Variants in C1QTNF3 observed in about 807,000 individuals in gnomAD.
The protein encoded by C1QTNF3 is C1q and TNF related 3, also known as complement C1q tumor necrosis factor-related protein 3.
Under a neutral mutation model 32.6 loss-of-function variants are expected in C1QTNF3, and 26 were observed. That is an observed-to-expected ratio of 0.80 (90% CI 0.58 to 1.11). C1QTNF3 has a LOEUF of 1.11. Ranked by LOEUF, C1QTNF3 falls within the 50% of genes least tolerant of loss-of-function variation. The pLI is 0.00. For synonymous variants in C1QTNF3, 155 were observed against 146.0 expected, an observed-to-expected ratio of 1.06 and a Z score of -0.44; for missense variants, 362 against 398.2, an observed-to-expected ratio of 0.91 and a Z score of 0.77.
At chr5:34,235,714 T>G in the C1QTNF3 span, among the ~76,000 whole-genome samples, 1 of 151,924 alleles carries the variant, frequency 6.6e-6, no homozygotes. Context: ...TTTTTTTCAC[T>G]GGGTATTACA....
the C1QTNF3 span, among the ~76,000 whole-genome samples, chr5:34,156,451 T>C: frequency 6.6e-6 from 1 of 152,190 alleles, no homozygotes; most frequent in Non-Finnish European, 1.5e-5. Context: ...TCTTTCTAAT[T>C]GCTCTGTAAT....
At chr5:34,218,659 G>C in the C1QTNF3 span, among the ~76,000 whole-genome samples, 10 of 152,008 alleles carry the variant, frequency 6.6e-5, no homozygotes, top group African/African-American at 2.2e-4. Flanking sequence ...AGAGTTTTGC[G>C]AACAGTTTTG....
At chr5:34,087,496 G>A in the C1QTNF3 span, among the ~76,000 whole-genome samples, 1 of 148,448 alleles carries the variant, frequency 6.7e-6, no homozygotes, top group African/African-American at 2.5e-5. Flanking sequence ...TAAGAGAAAT[G>A]TAATTTAATT....
intron 4 of C1QTNF3, 149 bp downstream of exon 4, chr5:34,028,605 C>A: frequency 1.5e-6 from 1 of 654,746 alleles, no homozygotes; most frequent in Non-Finnish European, 2.3e-6. Flanking sequence ...AAAATAACTA[C>A]CTTAATGTCA....
At chr5:34,075,518 T>C in the C1QTNF3 span, among the ~76,000 whole-genome samples, 8 of 151,500 alleles carry the variant, frequency 5.3e-5, no homozygotes, top group African/African-American at 1.2e-4. Context: ...GAATTATGAG[T>C]CTTCAATTTG....
chr5:34,141,993 T>A, the C1QTNF3 span, among the ~76,000 whole-genome samples: 16 of 152,040 alleles, frequency 1.1e-4, no homozygotes, highest in African/African-American at 3.1e-4. Flanking sequence ...GGGAGGAGCC[T>A]ACACTCAGAA....
chr5:34,102,072 A>G, the C1QTNF3 span, among the ~76,000 whole-genome samples: 1 of 148,472 alleles, frequency 6.7e-6, no homozygotes, highest in Non-Finnish European at 1.5e-5. Context: ...CTAGATGTGA[A>G]ATAAATAGAA....
the C1QTNF3 span, among the ~76,000 whole-genome samples, chr5:34,195,552 A>G: frequency 6.6e-6 from 1 of 152,114 alleles, no homozygotes; most frequent in East Asian, 1.9e-4. Context: ...CTCAAAATTC[A>G]TATGATAGGC....
chr5:34,063,948 T>A, the C1QTNF3 span, among the ~76,000 whole-genome samples: 3 of 152,146 alleles, frequency 2.0e-5, no homozygotes, highest in East Asian at 3.9e-4. Flanking sequence ...GACTGTTAAG[T>A]AGAGACTTCT....
the C1QTNF3 span, among the ~76,000 whole-genome samples, chr5:34,240,211 T>C: frequency 6.9e-6 from 1 of 145,250 alleles, no homozygotes. Context: ...ACACTACACC[T>C]AAAGGAACTA....
At chr5:34,116,451 C>T in the C1QTNF3 span, among the ~76,000 whole-genome samples, 4 of 151,230 alleles carry the variant, frequency 2.6e-5, no homozygotes, top group African/African-American at 9.7e-5. Context: ...GTTGAATTGT[C>T]TATTCTTTCC....
the C1QTNF3 span, among the ~76,000 whole-genome samples, chr5:34,121,245 CA>C: frequency 1.3e-5 from 2 of 152,156 alleles, no homozygotes; most frequent in Non-Finnish European, 2.9e-5. Flanking sequence ...AAAAGTTGGG[CA>C]ACTGTTATAA....
At chr5:34,165,237 G>C in the C1QTNF3 span, 2 of 152,042 alleles carry the variant, frequency 1.3e-5, no homozygotes, top group Non-Finnish European at 2.9e-5. Flanking sequence ...TGAAGCTTCA[G>C]GACTTGGAGA....
chr5:34,023,225 C>A (rs932309506), intron 5 of C1QTNF3, among the ~76,000 whole-genome samples: 1 of 152,116 alleles, frequency 6.6e-6, no homozygotes, highest in Non-Finnish European at 1.5e-5. Flanking sequence ...GAAGAATAAA[C>A]CCACTCCCAA....
chr5:34,194,727 C>A, the C1QTNF3 span, among the ~76,000 whole-genome samples: 1 of 152,414 alleles, frequency 6.6e-6, no homozygotes, highest in African/African-American at 2.4e-5. Context: ...TACAGTCAGC[C>A]CTCAGTATCC....
At chr5:34,093,813 T>C in the C1QTNF3 span, among the ~76,000 whole-genome samples, 2 of 152,306 alleles carry the variant, frequency 1.3e-5, no homozygotes, top group South Asian at 4.1e-4. Flanking sequence ...ACACTCTGTA[T>C]TCTGAGCCCA....
the C1QTNF3 span, among the ~76,000 whole-genome samples, chr5:34,195,839 C>CAAAAAA: frequency 2.2e-5 from 2 of 92,468 alleles, no homozygotes; most frequent in Admixed American, 1.2e-4. Flanking sequence ...GACTCTGTCT[C>CAAAAAA]AAAAAAAAAA....
At chr5:34,081,801 G>T in the C1QTNF3 span, among the ~76,000 whole-genome samples, 4 of 151,440 alleles carry the variant, frequency 2.6e-5, no homozygotes, top group South Asian at 2.1e-4. Context: ...CTTTAATGAA[G>T]CAATATAATA....
chr5:34,124,010 TATA>T, the C1QTNF3 span, among the ~76,000 whole-genome samples: 1 of 152,170 alleles, frequency 6.6e-6, no homozygotes, highest in African/African-American at 2.4e-5. Context: ...TAAATCAGCT[TATA>T]ATATCGTTGA....
Sources: allele counts gnomAD v4.1 joint callset (sites outside exome capture counted in the v4.1 genomes callset), GRCh38; gene constraint gnomAD v4.1.1; transcripts MANE v1.5; gene names NCBI Gene and HGNC (gene_info 2026-07-23, HGNC 2026-07-21).